CHD7: variants seen among roughly 807,000 people sequenced by gnomAD.
CHD7 encodes the protein chromodomain helicase DNA binding protein 7.
Under a neutral mutation model 307.3 loss-of-function variants are expected in CHD7, and 24 were observed. The ratio of observed to expected loss-of-function variants is 0.08; its 90% CI spans 0.06 to 0.11. The LOEUF (loss-of-function observed/expected upper bound fraction) is 0.11, where lower values mean the gene tolerates loss of function less well. Ranked by LOEUF, CHD7 falls within the 10% of genes least tolerant of loss-of-function variation. The pLI is 1.00. For missense variants in CHD7, 3,106 were observed against 3,727.1 expected (o/e 0.83, Z 4.34); for synonymous variants, 1,363 against 1,349.9 (o/e 1.01, Z -0.21).
intron 2 of CHD7, among the ~76,000 whole-genome samples, chr8:60,763,095 G>T (rs1810302108): frequency 6.6e-6 from 1 of 152,146 alleles, no homozygotes; most frequent in Non-Finnish European, 1.5e-5. Flanking sequence ...GGGGAGCAGG[G>T]TGTGGCCATA....
At chr8:60,697,557 C>A (rs1387792905) in intron 1 of CHD7, among the ~76,000 whole-genome samples, 3 of 152,100 alleles carry the variant, frequency 2.0e-5, no homozygotes, top group Non-Finnish European at 4.4e-5. Flanking sequence ...ATATATGCAA[C>A]TTCATTTTAT....
At position 60,866,062 on chromosome 8, in the gene CHD7, TTCAAG is replaced by T. The variant is rs1806232783; in HGVS notation, c.*133_*137del. Reference sequence around the variant, plus strand: ...TAACATAGTGTAGCAAAAAAAAAAGTTCAAGTCATGTTATACAGGTGTGTCAAAAG... The same window carrying T: ...TAACATAGTGTAGCAAAAAAAAAAGTTCATGTTATACAGGTGTGTCAAAAG... On this transcript the variant is annotated 3_prime_UTR_variant, in exon 38 of 38. Transcript: ENST00000423902. 1 of 816,452 alleles carries T rather than the reference TTCAAG, an allele frequency of 1.2e-6. No individual in the cohort carries two copies. Among genetic ancestry groups the T allele is most frequent in the Non-Finnish European group, 1.9e-6 (1 of 520,146 alleles). The allele number at this position is 816,452 out of a possible 1,614,324, so 50.6% of individuals were successfully genotyped here.
chr8:60,821,997 T>C (rs181682835), intron 10 of CHD7, 27 bp from the exon 11 acceptor site: 2 of 1,613,656 alleles, frequency 1.2e-6, no homozygotes, highest in East Asian at 2.2e-5. Context: ...GGGAAACCAC[T>C]AATGGGATTT....
intron 9 of CHD7, 44 bp downstream of exon 9, chr8:60,820,134 C>T: frequency 7.8e-7 from 1 of 1,282,244 alleles, no homozygotes; most frequent in Non-Finnish European, 1.1e-6. Flanking sequence ...ATTCAGGCAA[C>T]CCATACATGT....
intron 13 of CHD7, 30 bp from the exon 14 acceptor site, chr8:60,828,633 T>C: frequency 6.3e-7 from 1 of 1,577,588 alleles, no homozygotes; most frequent in Non-Finnish European, 8.6e-7. Flanking sequence ...TGTTACAATT[T>C]GGTTAGTGGC....
rs1804092583 is a variant in CHD7 at position 60,822,512 on chromosome 8, C to T, written c.2967C>T (p.Cys989=). The T allele has an allele frequency of 6.2e-7, 1 of 1,613,036 alleles. No individual in the cohort carries two copies. Among genetic ancestry groups the T allele is most frequent in the Non-Finnish European group, 8.5e-7 (1 of 1,179,282 alleles). ...LLFNWYNMRN[C]ILADEMGLGK... is the part of the protein sequence containing the mutation. ...CATTTTCCTCCTAAAGGCGAAACTG[C>T]ATTTTAGCAGATGAAATGGGTTTGG... Residue 989 remains cysteine, a synonymous_variant, in exon 12 of 38, where the codon TGC becomes TGT. Coordinates refer to ENST00000423902, the MANE Select transcript of CHD7 (RefSeq NM_017780.4).
At chr8:60,715,550 C>T (rs557706399) in intron 1 of CHD7, among the ~76,000 whole-genome samples, 1 of 152,164 alleles carries the variant, frequency 6.6e-6, no homozygotes, top group Non-Finnish European at 1.5e-5. Flanking sequence ...AACTCCTGAT[C>T]TCAGGGGATC....
rs577146364 is a variant in CHD7, at chr8:60,828,826, T to G, written c.3522+20T>G. On this transcript the variant is annotated intron_variant, in intron 14 of 37. Coordinates refer to ENST00000423902, the MANE Select transcript of CHD7 (RefSeq NM_017780.4). ...GAGCAGGTATTTATCAGCTCCACTT[T>G]GTATTTCAGTTATAAAATTGAAGAT... 1.2e-5 allele frequency: 19 copies of G among 1,604,782 alleles called. No homozygotes were observed.
chr8:60,714,094 C>A (rs1370923260), intron 1 of CHD7, among the ~76,000 whole-genome samples: 4 of 139,868 alleles, frequency 2.9e-5, no homozygotes, highest in Non-Finnish European at 6.3e-5. Flanking sequence ...CCTCGGCGGG[C>A]GGGGTGGGCC....
chr8:60,679,577 C>A, intron 1 of CHD7: 1 of 148,218 alleles, frequency 6.7e-6, no homozygotes, highest in South Asian at 1.8e-4. Flanking sequence ...GGCTCCAACT[C>A]AAGTGCGAGC....
intron 37 of CHD7, chr8:60,864,748 A>G (rs1396509294): frequency 2.3e-6 from 1 of 440,958 alleles, no homozygotes; most frequent in Non-Finnish European, 4.1e-6. Context: ...TTTCTGATGT[A>G]TGATTTCTTG....
chr8:60,679,077 G>T lies in CHD7; in HGVS notation c.-180G>T. On this transcript the variant is annotated 5_prime_UTR_variant, in exon 1 of 38. Transcript: ENST00000423902. ...CACTAGGCAGCGGAGGAGCCCGACC[G>T]ACCCGGTGAGCGCGAGAGTTCGCCC... 1 of 152,192 alleles carries T rather than the reference G, an allele frequency of 6.6e-6. No homozygotes were observed. Among genetic ancestry groups the T allele is most frequent in the South Asian group, 1.8e-4 (1 of 5,540 alleles). 9.4% of individuals were successfully genotyped at this position (152,192 alleles called of 1,614,324 possible).
At chr8:60,847,604 A>G (rs1805270964) in intron 23 of CHD7, among the ~76,000 whole-genome samples, 1 of 152,216 alleles carries the variant, frequency 6.6e-6, no homozygotes, top group Non-Finnish European at 1.5e-5. Context: ...CGATTCACGT[A>G]TCAGTCCTGA....
chr8:60,751,611 A>G (rs182974809), intron 2 of CHD7, among the ~76,000 whole-genome samples: 144 of 152,360 alleles, frequency 9.5e-4, no homozygotes, highest in African/African-American at 3.3e-3. Flanking sequence ...CTCTTGTATC[A>G]GTGAAGAAAG....
chr8:60,852,161 G>C lies in CHD7; in HGVS notation c.5808G>C (p.Lys1936Asn). 6.2e-7 allele frequency: 1 copy of C among 1,613,984 alleles called. No homozygotes were observed. The highest frequency in any genetic ancestry group is 1.1e-5 in the South Asian group (1 of 91,076). ...RQQMRQEALM[K>N]TDRRRRRPRE... ...AGATGAGGCAAGAGGCCCTAATGAA[G>C]ACTGACCGGCGCAGACGGCGGCCTC... Residue 1936 changes from lysine to asparagine, a missense_variant, in exon 29 of 38, where the codon AAG (lysine) becomes AAC (asparagine). Physicochemically the swap from Lys to Asn is moderately conservative, Grantham distance 94. Coordinates refer to ENST00000423902, the MANE Select transcript of CHD7 (RefSeq NM_017780.4).
rs533404895 is a variant in CHD7 at position 60,759,639 on chromosome 8, GGTAA to G, written c.1665+16544_1665+16547del. Among the ~76,000 whole-genome samples, 52 of 152,280 alleles carry G rather than the reference GGTAA, an allele frequency of 3.4e-4. No homozygotes were observed. The South Asian group carries it at 0.011, about 32-fold the overall frequency. ...AGAGGTATTCCTGTTGCTCTGCAGA[GGTAA>G]GCCCCCGTCAGTCATGCCTAGACTC... On this transcript the variant is annotated intron_variant, in intron 2 of 37. Coordinates refer to ENST00000423902, the MANE Select transcript of CHD7 (RefSeq NM_017780.4).
chr8:60,798,478 C>A (rs995400067), intron 4 of CHD7, among the ~76,000 whole-genome samples: 8 of 152,190 alleles, frequency 5.3e-5, no homozygotes, highest in African/African-American at 1.7e-4. Flanking sequence ...TGTCTCAAAT[C>A]CCTTTTTAAG....
chr8:60,808,972 G>A (rs1250993703), intron 7 of CHD7: 3 of 152,166 alleles, frequency 2.0e-5, no homozygotes, highest in African/African-American at 7.2e-5. Flanking sequence ...CATTGATAAT[G>A]TAAACATTAA....
In CHD7 at chr8:60,862,219, C is replaced by A; in HGVS notation, c.7854C>A (p.Ser2618=). The A allele has an allele frequency of 6.2e-7, 1 of 1,610,322 alleles. No homozygotes were observed. Among genetic ancestry groups the A allele is most frequent in the East Asian group, 2.2e-5 (1 of 44,844 alleles). ...YVPKNADVLF[S]SFQKPKQKRH... The stretch of plus-strand genomic sequence containing the variant: ...AGAAGAATGCAGATGTGCTGTTTTC[C>A]TCATTTCAGAAACCGAAACAGAAAC... Residue 2618 remains serine (S), a synonymous_variant, in exon 36 of 38, where the codon TCC becomes TCA. Coordinates refer to ENST00000423902, the MANE Select transcript of CHD7 (RefSeq NM_017780.4).
Sources: gnomAD v4.1 joint callset for allele counts (sites outside exome capture counted in the v4.1 genomes callset) on GRCh38, gnomAD v4.1.1 for gene constraint, MANE v1.5 for transcripts, NCBI Gene and HGNC (gene_info 2026-07-23, HGNC 2026-07-21) for gene names.